The following EPC1 variants were observed in gnomAD, a reference collection of about 807,000 sequenced individuals.
EPC1 encodes enhancer of polycomb homolog 1.
A neutral mutation model predicts 98.4 loss-of-function variants in EPC1; 12 were observed. That is an observed-to-expected ratio of 0.12 (90% CI 0.08 to 0.20). EPC1 has a LOEUF of 0.20. Among genes scored for constraint, EPC1 ranks in the 10% least tolerant of loss-of-function variants. The pLI is 1.00. For synonymous variants in EPC1, 357 were observed against 363.9 expected (o/e 0.98, Z 0.21); for missense variants, 729 against 990.5 (o/e 0.74, Z 3.54).
chr10:32,329,809 A>G (rs1229279337), intron 1 of EPC1, among the ~76,000 whole-genome samples: 1 of 152,232 alleles, frequency 6.6e-6, no homozygotes, highest in African/African-American at 2.4e-5. Flanking sequence ...CCAAATAACT[A>G]CATAAATAAA....
rs373863132 is a variant in EPC1 at position 32,287,038 on chromosome 10, A to G, written c.1153-23T>C. The G allele has an allele frequency of 4.3e-5, 69 of 1,613,652 alleles. No homozygotes were observed. The East Asian group carries it at 8.9e-4, about 21-fold the overall frequency. On this transcript the variant is annotated intron_variant, in intron 7 of 13. Transcript: ENST00000319778. ...AACCTTTAAATGAAATAAAGAAAGT[A>G]GGTCAGATACGTGACTTCCTACATC...
rs542657700 is a variant in EPC1 at position 32,311,037 on chromosome 10, A to G, written c.154-5106T>C. Among the ~76,000 whole-genome samples, 407 of 152,300 alleles carry G rather than the reference A, an allele frequency of 2.7e-3. 3 individuals carry two copies. The highest frequency in any genetic ancestry group is 8.8e-3 in the African/African-American group (366 of 41,562). Reference sequence around the variant, plus strand: ...AGAACAGGAAAAAAACCAGCTGGGCACGGTGGCTCACGCCTGTAATCCCAG... The same window carrying G: ...AGAACAGGAAAAAAACCAGCTGGGCGCGGTGGCTCACGCCTGTAATCCCAG... On this transcript the variant is annotated intron_variant, in intron 1 of 13. Transcript: ENST00000319778.
intron 1 of EPC1, among the ~76,000 whole-genome samples, chr10:32,328,468 T>A (rs181893268): frequency 1.1e-4 from 17 of 152,332 alleles, no homozygotes; most frequent in Admixed American, 1.0e-3. Context: ...AAAACCTGAT[T>A]TAAAAGTATG....
chr10:32,295,636 A>G (rs544437577), intron 2 of EPC1, among the ~76,000 whole-genome samples: 1 of 152,294 alleles, frequency 6.6e-6, no homozygotes, highest in African/African-American at 2.4e-5. Flanking sequence ...AAAACACTTG[A>G]TATATTTTGT....
chr10:32,303,977 G>A (rs929574642), intron 2 of EPC1, among the ~76,000 whole-genome samples: 1 of 152,184 alleles, frequency 6.6e-6, no homozygotes, highest in Non-Finnish European at 1.5e-5. Flanking sequence ...AAATTTAGCA[G>A]CATTATCTTT....
chr10:32,271,643 A>C lies in EPC1; in HGVS notation c.2280T>G (p.Ala760=). ...CCAGCTTTAAGGCAGATGATGGAACAGCACTTAAAGTCCTAGGTATATGTC... is the reference window on the plus strand; with the variant it reads ...CCAGCTTTAAGGCAGATGATGGAACCGCACTTAAAGTCCTAGGTATATGTC... ...NARHIPRTLS[A]VPSSALKLAA... Residue 760 remains alanine, a synonymous_variant, in exon 13 of 14, where the codon GCT becomes GCG. Coordinates refer to ENST00000319778, the MANE Select transcript of EPC1 (RefSeq NM_001272004.3). 1 of 1,614,216 alleles carries C rather than the reference A, an allele frequency of 6.2e-7. No individual in the cohort carries two copies. Among genetic ancestry groups the C allele is most frequent in the South Asian group, 1.1e-5 (1 of 91,084 alleles).
intron 2 of EPC1, among the ~76,000 whole-genome samples, chr10:32,295,499 T>C (rs906216398): frequency 6.6e-6 from 1 of 152,230 alleles, no homozygotes; most frequent in African/African-American, 2.4e-5. Flanking sequence ...AATTTCTAGA[T>C]GTTAACATCT....
intron 1 of EPC1, among the ~76,000 whole-genome samples, chr10:32,325,671 T>A (rs1174475806): frequency 6.6e-6 from 1 of 152,230 alleles, no homozygotes; most frequent in African/African-American, 2.4e-5. Flanking sequence ...GTTTGTATCA[T>A]GCATTAAATT....
chr10:32,327,601 G>A (rs1386902243), intron 1 of EPC1, among the ~76,000 whole-genome samples: 1 of 151,900 alleles, frequency 6.6e-6, no homozygotes, highest in Non-Finnish European at 1.5e-5. Context: ...AATGTGTTCT[G>A]AGAAATGCAT....
At chr10:32,285,757 T>A (rs1392709694) in intron 9 of EPC1, 1 of 152,202 alleles carries the variant, frequency 6.6e-6, no homozygotes, top group Admixed American at 6.6e-5. Context: ...GGATTACAGG[T>A]GTGAGCCACC....
chr10:32,330,191 C>G (rs1837557817), intron 1 of EPC1, among the ~76,000 whole-genome samples: 1 of 152,164 alleles, frequency 6.6e-6, no homozygotes, highest in South Asian at 2.1e-4. Flanking sequence ...ACTGGGGAGG[C>G]AGCAATTATA....
At chr10:32,345,243 G>A (rs1015172097) in intron 1 of EPC1, 4 of 985,288 alleles carry the variant, frequency 4.1e-6, no homozygotes, top group African/African-American at 3.5e-5. Flanking sequence ...TGTGCTGAAA[G>A]TCAGTGCCCA....
intron 9 of EPC1, 46 bp downstream of exon 9, chr10:32,286,648 C>G (rs1477300987): frequency 1.9e-6 from 3 of 1,605,186 alleles, no homozygotes; most frequent in African/African-American, 2.7e-5. Context: ...TTCAATCACC[C>G]TAATGCCTAA....
At chr10:32,355,193 G>A (rs1839236200) in intron 1 of EPC1, among the ~76,000 whole-genome samples, 1 of 152,178 alleles carries the variant, frequency 6.6e-6, no homozygotes, top group Non-Finnish European at 1.5e-5. Context: ...TTTCCTCACT[G>A]TGCTGGCAAG....
intron 10 of EPC1, among the ~76,000 whole-genome samples, chr10:32,273,519 AAG>A (rs1835937724): frequency 6.6e-6 from 1 of 152,200 alleles, no homozygotes; most frequent in South Asian, 2.1e-4. Context: ...AAACACAGGA[AAG>A]AGAACTGCTC....
chr10:32,363,472 C>T lies in EPC1; in HGVS notation c.3+15019G>A, dbSNP rs148757852. ...GTATCCTGAGCCAGGTTCTAATTAC[C>T]TTCATTTTAACATAAATGCTAAGCT... On this transcript the variant is annotated intron_variant, in intron 1 of 13. Coordinates refer to the EPC1 transcript ENST00000375110. 9.3e-3 allele frequency among the ~76,000 whole-genome samples: 1,408 copies of T among 152,208 alleles called. 19 individuals carry two copies. The highest frequency in any genetic ancestry group is 0.032 in the African/African-American group (1,345 of 41,524).
chr10:32,317,925 T>C (rs529833652), intron 1 of EPC1, among the ~76,000 whole-genome samples: 2 of 152,322 alleles, frequency 1.3e-5, no homozygotes, highest in East Asian at 3.9e-4. Flanking sequence ...TTTACTACTT[T>C]CCTTATAAAA....
intron 6 of EPC1, among the ~76,000 whole-genome samples, chr10:32,288,776 G>A (rs1050955411): frequency 6.6e-6 from 1 of 152,016 alleles, no homozygotes; most frequent in Non-Finnish European, 1.5e-5. Flanking sequence ...GGCTCAGAGG[G>A]GGGGACCACA....
chr10:32,350,166 G>A (rs1341777401), upstream of EPC1, among the ~76,000 whole-genome samples: 3 of 152,298 alleles, frequency 2.0e-5, no homozygotes, highest in Middle Eastern at 3.4e-3. Context: ...ATACCCTAAC[G>A]GCAGAGGGAA....
Sources: allele counts gnomAD v4.1 joint callset (sites outside exome capture counted in the v4.1 genomes callset), GRCh38; gene constraint gnomAD v4.1.1; transcripts MANE v1.5; gene names NCBI Gene and HGNC (gene_info 2026-07-23, HGNC 2026-07-21).